SNRPN: variants seen among roughly 807,000 people sequenced by gnomAD.
SNRPN encodes small nuclear ribonucleoprotein-associated protein N.
A neutral mutation model predicts 25.2 loss-of-function variants in SNRPN; 7 were observed. That is an observed-to-expected ratio of 0.28 (90% CI 0.16 to 0.52). SNRPN has a LOEUF of 0.52. Among genes scored for constraint, SNRPN ranks in the 20% least tolerant of loss-of-function variants. The pLI is 0.96. For missense variants in SNRPN, 196 were observed against 322.5 expected (o/e 0.61, Z 3.00); for synonymous variants, 124 against 110.6 (o/e 1.12, Z -0.76).
chr15:24,835,550 G>A (rs2051090501), intron 2 of SNRPN, among the ~76,000 whole-genome samples: 1 of 151,970 alleles, frequency 6.6e-6, no homozygotes, highest in African/African-American at 2.4e-5. Context: ...GATGTGTTTA[G>A]GAATACTAAA....
At chr15:24,841,930 AC>A in intron 2 of SNRPN, among the ~76,000 whole-genome samples, 1 of 152,106 alleles carries the variant, frequency 6.6e-6, no homozygotes, top group Non-Finnish European at 1.5e-5. Context: ...CACCTAGGGG[AC>A]CTTGAACTAT....
At chr15:24,947,939 T>A (rs562970057) in intron 3 of SNRPN, among the ~76,000 whole-genome samples, 2 of 151,914 alleles carry the variant, frequency 1.3e-5, no homozygotes, top group African/African-American at 2.4e-5. Context: ...ATTCTTTTTT[T>A]ATTTTATTTT....
intron 2 of SNRPN, among the ~76,000 whole-genome samples, chr15:24,916,343 A>G (rs1244591314): frequency 6.6e-6 from 1 of 151,954 alleles, no homozygotes; most frequent in African/African-American, 2.4e-5. Flanking sequence ...AAGTGGGGGG[A>G]GAGAGAGACA....
At chr15:24,889,993 T>G (rs2057536523) in intron 2 of SNRPN, among the ~76,000 whole-genome samples, 1 of 141,284 alleles carries the variant, frequency 7.1e-6, no homozygotes, top group South Asian at 2.2e-4. Flanking sequence ...GAGGTTGCAG[T>G]GAGCTGAGAT....
chr15:24,977,638 A>G (rs2077216108), intron 7 of SNRPN, 140 bp from the exon 8 acceptor site: 1 of 875,224 alleles, frequency 1.1e-6, no homozygotes, highest in Non-Finnish European at 1.6e-6. Flanking sequence ...AACTGTCTCA[A>G]AAAAAAACAT....
chr15:24,941,088 T>C (rs1192049080), intron 3 of SNRPN, among the ~76,000 whole-genome samples: 1 of 152,198 alleles, frequency 6.6e-6, no homozygotes, highest in East Asian at 1.9e-4. Context: ...GCGACTCTCC[T>C]ACCTCAGCCT....
At chr15:24,934,651 C>T (rs557048510) in intron 3 of SNRPN, among the ~76,000 whole-genome samples, 110 of 152,294 alleles carry the variant, frequency 7.2e-4, no homozygotes, top group African/African-American at 2.4e-3. Context: ...CTCCACCCGC[C>T]GGGCTCAAGC....
intron 1 of SNRPN, among the ~76,000 whole-genome samples, chr15:24,828,548 A>G (rs1202025626): frequency 6.6e-6 from 1 of 152,114 alleles, no homozygotes; most frequent in East Asian, 1.9e-4. Flanking sequence ...CTCCGTCTCG[A>G]AAAAAACAAG....
chr15:24,839,092 A>G (rs1305675914), intron 2 of SNRPN, among the ~76,000 whole-genome samples: 3 of 152,068 alleles, frequency 2.0e-5, no homozygotes, highest in Non-Finnish European at 4.4e-5. Flanking sequence ...GTGTTTCCCA[A>G]CATGTGCTGC....
intron 3 of SNRPN, among the ~76,000 whole-genome samples, chr15:24,930,792 G>A (rs1346942010): frequency 1.3e-5 from 2 of 151,784 alleles, no homozygotes; most frequent in South Asian, 2.1e-4. Context: ...CCAGCTACTC[G>A]GGAGGCTGAG....
At chr15:24,942,402 T>C (rs1006969759) in intron 3 of SNRPN, 3 of 152,212 alleles carry the variant, frequency 2.0e-5, no homozygotes, top group African/African-American at 7.2e-5. Context: ...TGTAACTGAA[T>C]CTTCAAAAGG....
chr15:24,843,569 G>C (rs1349354123), intron 2 of SNRPN, among the ~76,000 whole-genome samples: 5 of 152,060 alleles, frequency 3.3e-5, no homozygotes, highest in Non-Finnish European at 7.4e-5. Context: ...GATCACCTGA[G>C]ATCAGGAGTT....
chr15:24,884,148 C>CAAAAAAAAAAAAAAAAAAAAA (rs61039873), intron 1 of SNRPN, among the ~76,000 whole-genome samples: 3 of 104,870 alleles, frequency 2.9e-5, no homozygotes, highest in African/African-American at 1.2e-4. Flanking sequence ...CCTGCCTCTA[C>CAAAAAAAAAAAAAAAAAAAAA]AAAAAAAAAA....
intron 1 of SNRPN, among the ~76,000 whole-genome samples, chr15:24,862,634 C>CA: frequency 6.6e-6 from 1 of 151,180 alleles, no homozygotes. Flanking sequence ...TCCAAATTCT[C>CA]AGGTGTTTAA....
rs183861548 is a variant in SNRPN, at chr15:24,837,591, G to A, written c.-579+7686G>A. Among the ~76,000 whole-genome samples the A allele has an allele frequency of 4.9e-4, 75 of 151,808 alleles. 1 individual carries two copies. The highest frequency in any genetic ancestry group is 1.5e-3 in the African/African-American group (61 of 41,288). On this transcript the variant is annotated intron_variant, in intron 2 of 12. Transcript: ENST00000400100. ...TCACCGTGTTAGCTAGGATGGTCTC[G>A]ATCTCCTGACTTCGTGATCCACCCG...
intron 2 of SNRPN, among the ~76,000 whole-genome samples, chr15:24,915,630 G>A (rs1178448817): frequency 6.6e-6 from 1 of 152,070 alleles, no homozygotes; most frequent in Non-Finnish European, 1.5e-5. Context: ...TTTTCCCAGT[G>A]TTGATGTTCT....
intron 4 of SNRPN, chr15:24,974,884 T>C (rs963159439): frequency 2.8e-6 from 2 of 702,156 alleles, no homozygotes; most frequent in Non-Finnish European, 5.2e-6. Flanking sequence ...TTTCATGATG[T>C]GAGAAAATAC....
At chr15:24,889,073 A>G (rs2150314386) in intron 2 of SNRPN, among the ~76,000 whole-genome samples, 1 of 151,860 alleles carries the variant, frequency 6.6e-6, no homozygotes, top group East Asian at 2.0e-4. Flanking sequence ...ACACGCCACC[A>G]CACCTGGCTA....
At chr15:24,885,716 C>CTGTGTGAG (rs1555389070) in intron 1 of SNRPN, among the ~76,000 whole-genome samples, 2 of 141,636 alleles carry the variant, frequency 1.4e-5, no homozygotes, top group Non-Finnish European at 3.1e-5. Context: ...GAATCTGGGG[C>CTGTGTGAG]TGTGTGTGTG....
Sources: allele counts gnomAD v4.1 joint callset (sites outside exome capture counted in the v4.1 genomes callset), GRCh38; gene constraint gnomAD v4.1.1; transcripts MANE v1.5; gene names NCBI Gene and HGNC (gene_info 2026-07-23, HGNC 2026-07-21).